LMAN1: variants seen among roughly 807,000 people sequenced by gnomAD.
LMAN1 encodes lectin, mannose binding 1, also known as protein ERGIC-53.
In LMAN1, 32 loss-of-function variants were observed where a neutral mutation model predicts 67.8. That is an observed-to-expected ratio of 0.47 (90% confidence interval 0.36 to 0.63). The LOEUF (loss-of-function observed/expected upper bound fraction) is 0.63, where lower values mean the gene tolerates loss of function less well. Among genes scored for constraint, LMAN1 ranks in the 30% least tolerant of loss-of-function variants. LMAN1 has a pLI of 0.00. For synonymous variants in LMAN1, 235 were observed against 219.3 expected, an observed-to-expected ratio of 1.07 and a Z score of -0.63; for missense variants, 632 against 628.2, an observed-to-expected ratio of 1.01 and a Z score of -0.06.
intron 6 of LMAN1, among the ~76,000 whole-genome samples, chr18:59,348,647 A>G (rs1292653084): frequency 2.6e-5 from 4 of 152,240 alleles, no homozygotes; most frequent in East Asian, 3.8e-4. Context: ...GGTTTTGTTT[A>G]AAGTTTAGTC....
In LMAN1 at chr18:59,331,553, G is replaced by A; in HGVS notation, c.1375-14C>T. ...TTCATTTGATGGCTGTAAGGCAAAT[G>A]ACTTTCTATTACAGTTAGTCAAAAT... On this transcript the variant is annotated splice_polypyrimidine_tract_variant and intron_variant, in intron 11 of 12. Transcript: ENST00000251047. 6.2e-7 allele frequency: 1 copy of A among 1,612,514 alleles called. No homozygotes were observed. The highest frequency in any genetic ancestry group is 8.5e-7 in the Non-Finnish European group (1 of 1,178,778).
At chr18:59,345,118 G>C (rs2144221624) in intron 8 of LMAN1, among the ~76,000 whole-genome samples, 1 of 152,252 alleles carries the variant, frequency 6.6e-6, no homozygotes, top group African/African-American at 2.4e-5. Flanking sequence ...TTCAAAATAA[G>C]AATGACCTTT....
chr18:59,353,761 C>T (rs141341620), intron 4 of LMAN1, among the ~76,000 whole-genome samples: 27 of 152,262 alleles, frequency 1.8e-4, no homozygotes, highest in East Asian at 1.2e-3. Context: ...AATATACAGT[C>T]ATCCTTCAAC....
In LMAN1 at chr18:59,347,580, TAAAA is replaced by T; in HGVS notation, c.764-13_764-10del. On this transcript the variant is annotated splice_polypyrimidine_tract_variant and intron_variant, in intron 6 of 12. Coordinates refer to ENST00000251047, the MANE Select transcript of LMAN1 (RefSeq NM_005570.4). ...AAGGACATCATGGTCATCTACAAAT[TAAAA>T]AAAAAAAAGTCTGAAAAAGTTCCAT... The T allele has an allele frequency of 7.5e-7, 1 of 1,338,410 alleles. No individual in the cohort carries two copies. Among genetic ancestry groups the T allele is most frequent in the Non-Finnish European group, 1.0e-6 (1 of 979,720 alleles). The allele number at this position is 1,338,410 out of a possible 1,614,324, so 82.9% of individuals were successfully genotyped here. A position where few individuals can be genotyped will look rare whatever the true frequency, so the allele number is the denominator to read the frequency against.
intron 7 of LMAN1, among the ~76,000 whole-genome samples, chr18:59,346,899 G>A (rs1271458875): frequency 2.0e-5 from 3 of 152,032 alleles, no homozygotes; most frequent in Non-Finnish European, 1.5e-5. Context: ...TCAATATCAT[G>A]AGGTGGCCAG....
intron 10 of LMAN1, among the ~76,000 whole-genome samples, chr18:59,338,240 A>G (rs1412682734): frequency 2.0e-5 from 3 of 152,166 alleles, no homozygotes; most frequent in Non-Finnish European, 2.9e-5. Flanking sequence ...AAAGTGTTAT[A>G]TATTATTTCA....
rs2298711 is a variant in LMAN1 at position 59,333,237 on chromosome 18, T to A, written c.1228A>T (p.Met410Leu). 0.13 allele frequency: 212,548 copies of A among 1,612,408 alleles called. 14,988 individuals are homozygous for A. Among genetic ancestry groups the A allele is most frequent in the Admixed American group, 0.17 (10,172 of 59,892 alleles). The change falls in exon 11 of 13, where the codon ATG (methionine) becomes TTG (leucine). Residue 410 changes from methionine (M) to leucine (L), a missense_variant. Transcript: ENST00000251047. Reference protein sequence around the residue: ...LRQVNEMKNSMSETVRLVSGM... With the variant: ...LRQVNEMKNSLSETVRLVSGM... The stretch of plus-strand genomic sequence containing the variant: ...CTGACCAGTCTGACGGTTTCACTCA[T>A]GGAATTTCTGAAACAGAAAGTCTCT...
chr18:59,331,292 G>C, intron 12 of LMAN1, 126 bp downstream of exon 12: 2 of 1,151,088 alleles, frequency 1.7e-6, no homozygotes, highest in Non-Finnish European at 2.6e-6. Context: ...GAAATGAACA[G>C]AAATCACAAT....
chr18:59,358,113 G>A (rs1380127352), intron 1 of LMAN1, among the ~76,000 whole-genome samples: 1 of 152,134 alleles, frequency 6.6e-6, no homozygotes, highest in Non-Finnish European at 1.5e-5. Context: ...CAAGTGCTAC[G>A]ATTGACTCCT....
chr18:59,358,339 A>G (rs768812981), intron 1 of LMAN1, among the ~76,000 whole-genome samples: 23 of 152,340 alleles, frequency 1.5e-4, no homozygotes, highest in Non-Finnish European at 3.2e-4. Context: ...AATCCCTAAA[A>G]ATATATCCCT....
chr18:59,355,687 T>G, intron 1 of LMAN1, 29 bp from the exon 2 acceptor site: 1 of 1,609,062 alleles, frequency 6.2e-7, no homozygotes, highest in South Asian at 1.1e-5. Flanking sequence ...GAAAAAAGCT[T>G]TAAGTTATAA....
intron 5 of LMAN1, among the ~76,000 whole-genome samples, chr18:59,352,009 T>C (rs541202622): frequency 1.3e-5 from 2 of 152,366 alleles, no homozygotes. Context: ...GTCTAGCTCA[T>C]GATTTAGGTG....
rs1908294132 is a variant in LMAN1 at position 59,341,798 on chromosome 18, C to T, written c.956-2845G>A. Among the ~76,000 whole-genome samples, 6 of 152,032 alleles carry T rather than the reference C, an allele frequency of 3.9e-5. 1 individual carries two copies. In the South Asian group the frequency reaches 1.2e-3, roughly 32 times the overall value. On this transcript the variant is annotated intron_variant, in intron 8 of 12. Transcript: ENST00000251047. ...ACTAGAAAAACAAGAACAAACCAAA[C>T]CCAAAGTTAGCAAAGAAAAGAAATA... is the stretch of plus-strand genomic sequence containing the variant.
chr18:59,331,093 T>C lies in LMAN1; in HGVS notation c.1533A>G (p.Ter511TrpextTer18), dbSNP rs755668165. The C allele has an allele frequency of 6.2e-7, 1 of 1,609,284 alleles. No homozygotes were observed. The highest frequency in any genetic ancestry group is 1.7e-5 in the Admixed American group (1 of 59,964). ...GATGAAGTACACAGGAAAATGGTAG[T>C]CAAAAGAATTTTTTGGCAGCTGCTT... ...QQEAAAKKFF[*>W] Residue 511 changes from the stop codon to tryptophan (W), a stop_lost, in exon 13 of 13, where the codon TGA (stop) becomes TGG (tryptophan). Coordinates refer to ENST00000251047, the MANE Select transcript of LMAN1 (RefSeq NM_005570.4).
rs1319858454 is a variant in LMAN1, at chr18:59,359,072, A to G, written c.173T>C (p.Val58Ala). The change falls in exon 1 of 13, where the codon GTG becomes GCG. Residue 58 changes from valine (V) to alanine (A), a missense_variant. Coordinates refer to ENST00000251047, the MANE Select transcript of LMAN1 (RefSeq NM_005570.4). ...GAAGGGCACGGTCCCGTCGCTCTGC[A>G]CCAGGTGCGGCCCCTTGAAGCTGTA... ...YKYSFKGPHL[V>A]QSDGTVPFWA... 6.2e-7 allele frequency: 1 copy of G among 1,614,034 alleles called. No homozygotes were observed.
chr18:59,331,125 G>GA lies in LMAN1; in HGVS notation c.1500dup (p.Gln501SerfsTer41), dbSNP rs1220485454. The stretch of plus-strand genomic sequence containing the variant: ...AATTTTTTGGCAGCTGCTTCTTGCT[G>GA]AGACCTAATGAAAAAAAGAAACAAA... On this transcript the variant is annotated frameshift_variant, in exon 13 of 13. Transcript: ENST00000251047. LOFTEE classifies it high-confidence loss of function. 1 of 1,611,166 alleles carries GA rather than the reference G, an allele frequency of 6.2e-7. No homozygotes were observed. The highest frequency in any genetic ancestry group is 8.5e-7 in the Non-Finnish European group (1 of 1,178,006).
intron 8 of LMAN1, 21 bp downstream of exon 8, chr18:59,345,898 G>A: frequency 4.3e-6 from 7 of 1,613,698 alleles, no homozygotes; most frequent in Non-Finnish European, 3.4e-6. Flanking sequence ...CGGCACCCAT[G>A]TCAGCTTTGC....
At chr18:59,347,403 T>C in intron 7 of LMAN1, 110 bp downstream of exon 7, 1 of 508,420 alleles carries the variant, frequency 2.0e-6, no homozygotes, top group Non-Finnish European at 3.6e-6. Context: ...CACAAGACCA[T>C]ATAGCAGTAA....
intron 11 of LMAN1, among the ~76,000 whole-genome samples, chr18:59,332,515 A>G (rs781320291): frequency 6.6e-6 from 1 of 152,168 alleles, no homozygotes; most frequent in African/African-American, 2.4e-5. Flanking sequence ...ATCTATTAGT[A>G]TATTTTCTAA....
Sources: allele counts gnomAD v4.1 joint callset (sites outside exome capture counted in the v4.1 genomes callset), GRCh38; gene constraint gnomAD v4.1.1; transcripts MANE v1.5; gene names NCBI Gene and HGNC (gene_info 2026-07-23, HGNC 2026-07-21).